NCOA6: variants seen among roughly 807,000 people sequenced by gnomAD.
NCOA6 encodes nuclear receptor coactivator 6.
NCOA6 carries 49 observed loss-of-function variants against 171.4 expected under a neutral mutation model. That is an observed-to-expected ratio of 0.29 (90% CI 0.23 to 0.36). The LOEUF (loss-of-function observed/expected upper bound fraction) is 0.36. Ranked by LOEUF, NCOA6 falls within the 10% of genes least tolerant of loss-of-function variation. The pLI, the probability that NCOA6 is intolerant of heterozygous loss-of-function variation, is 1.00. For missense variants in NCOA6, 2,248 were observed against 2,554.5 expected, an observed-to-expected ratio of 0.88 and a Z score of 2.59; for synonymous variants, 910 against 927.5, an observed-to-expected ratio of 0.98 and a Z score of 0.34.
At chr20:34,774,572 T>G (rs1052671814) in intron 4 of NCOA6, among the ~76,000 whole-genome samples, 17 of 152,222 alleles carry the variant, frequency 1.1e-4, no homozygotes, top group African/African-American at 3.6e-4. Context: ...CAAAATGACC[T>G]CGACTGCTCA....
At chr20:34,775,535 A>G (rs1456678222) in intron 4 of NCOA6, among the ~76,000 whole-genome samples, 1 of 151,904 alleles carries the variant, frequency 6.6e-6, no homozygotes, top group Non-Finnish European at 1.5e-5. Context: ...AAATACAAAA[A>G]TTAGCTGGGC....
intron 13 of NCOA6, among the ~76,000 whole-genome samples, chr20:34,729,189 G>T (rs1363195602): frequency 2.0e-5 from 3 of 152,182 alleles, no homozygotes; most frequent in South Asian, 2.1e-4. Flanking sequence ...GACCTCAAAT[G>T]ATCCACCTGC....
intron 1 of NCOA6, 135 bp from the exon 2 acceptor site, chr20:34,792,698 G>C (rs1244083910): frequency 5.3e-6 from 2 of 375,700 alleles, no homozygotes; most frequent in Non-Finnish European, 9.4e-6. Context: ...AATATCACAA[G>C]TTATCAAGTC....
intron 2 of NCOA6, among the ~76,000 whole-genome samples, chr20:34,783,414 C>CT (rs1016062965): frequency 2.6e-5 from 4 of 152,264 alleles, no homozygotes; most frequent in Admixed American, 2.6e-4. Context: ...AGGTATGCTG[C>CT]TTACCAAAGA....
chr20:34,755,175 C>A (rs1301373600), intron 7 of NCOA6, among the ~76,000 whole-genome samples: 1 of 152,174 alleles, frequency 6.6e-6, no homozygotes, highest in Non-Finnish European at 1.5e-5. Context: ...GGTTTGAGGG[C>A]TCACTTTTCT....
intron 12 of NCOA6, among the ~76,000 whole-genome samples, chr20:34,733,862 AAAAAAAAAAAAAAAAAGGAAGGG>A (rs1216571137): frequency 1.3e-5 from 2 of 150,306 alleles, no homozygotes; most frequent in African/African-American, 2.5e-5. Context: ...AAAAAAAAAA[AAAAAAAAAAAAAAAAAGGAAGGG>A]AATCTTTGCT....
chr20:34,778,443 T>C (rs2077408725), intron 3 of NCOA6, among the ~76,000 whole-genome samples: 1 of 150,774 alleles, frequency 6.6e-6, no homozygotes, highest in Non-Finnish European at 1.5e-5. Context: ...TTTTTTTTTT[T>C]TTTGAGACGG....
chr20:34,805,458 G>A (rs1412199808), intron 1 of NCOA6, among the ~76,000 whole-genome samples: 2 of 152,100 alleles, frequency 1.3e-5, no homozygotes, highest in East Asian at 1.9e-4. Flanking sequence ...CCTCCAGGCT[G>A]ATGCATGTTG....
At chr20:34,773,387 T>C (rs896881817) in intron 4 of NCOA6, among the ~76,000 whole-genome samples, 1 of 152,228 alleles carries the variant, frequency 6.6e-6, no homozygotes. Flanking sequence ...GAACGGACTG[T>C]TGGGAGAACC....
chr20:34,735,354 T>C (rs1457433119), intron 12 of NCOA6, among the ~76,000 whole-genome samples: 1 of 152,068 alleles, frequency 6.6e-6, no homozygotes, highest in Non-Finnish European at 1.5e-5. Context: ...AGAAAGAATC[T>C]GGGTGGCTGG....
chr20:34,801,796 T>G lies in NCOA6; in HGVS notation c.-163-9233A>C, dbSNP rs531194544. Among the ~76,000 whole-genome samples, 14 of 151,770 alleles carry G rather than the reference T, an allele frequency of 9.2e-5. No individual in the cohort carries two copies. The South Asian group carries it at 2.9e-3, about 32-fold the overall frequency. On this transcript the variant is annotated intron_variant, in intron 1 of 14. Coordinates refer to ENST00000359003, the MANE Select transcript of NCOA6 (RefSeq NM_014071.5). The stretch of plus-strand genomic sequence containing the variant: ...AGGAGAATCACTTGAACCCAGGAGG[T>G]GGAGGTTGCAATGAGCCGAGATTGC...
intron 2 of NCOA6, among the ~76,000 whole-genome samples, chr20:34,782,961 T>C (rs1770988377): frequency 6.6e-6 from 1 of 152,182 alleles, no homozygotes; most frequent in South Asian, 2.1e-4. Context: ...CTGAAAATAA[T>C]GATTCTGAAA....
rs956367887 is a variant in NCOA6 at position 34,732,925 on chromosome 20, C to T, written c.5963-330G>A. 6 of 187,388 alleles carry T rather than the reference C, an allele frequency of 3.2e-5. No homozygotes were observed. The South Asian group carries it at 7.5e-4, about 24-fold the overall frequency. The allele number at this position is 187,388 out of a possible 1,614,324, so 11.6% of individuals were successfully genotyped here. A position where few individuals can be genotyped will look rare whatever the true frequency, so the allele number is the denominator to read the frequency against. On this transcript the variant is annotated intron_variant, in intron 12 of 14. Transcript: ENST00000359003. ...TCTCTTCCTCTCATGTGGAAGAGACCGTTTTCATTTTAAAACATCTCCATC... is the reference window on the plus strand; with the variant it reads ...TCTCTTCCTCTCATGTGGAAGAGACTGTTTTCATTTTAAAACATCTCCATC...
rs1028555637 is a variant in NCOA6 at position 34,721,273 on chromosome 20, C to T, written c.6149-5908G>A. Among the ~76,000 whole-genome samples, 67 of 138,664 alleles carry T rather than the reference C, an allele frequency of 4.8e-4. 1 individual carries two copies. Among genetic ancestry groups the T allele is most frequent in the African/African-American group, 1.8e-3 (63 of 34,298 alleles). 91.0% of individuals were successfully genotyped at this position (138,664 alleles called of 152,430 possible). A position where few individuals can be genotyped will look rare whatever the true frequency, so the allele number is the denominator to read the frequency against. On this transcript the variant is annotated intron_variant, in intron 14 of 14. Coordinates refer to ENST00000359003, the MANE Select transcript of NCOA6 (RefSeq NM_014071.5). ...AAAAAAAAAAAAAAAAAAAACAACCCGCAAAACCCACAAAAGGACTGAATT... is the reference window on the plus strand; with the variant it reads ...AAAAAAAAAAAAAAAAAAAACAACCTGCAAAACCCACAAAAGGACTGAATT...
chr20:34,736,868 G>A, intron 11 of NCOA6, 110 bp from the exon 12 acceptor site: 3 of 903,658 alleles, frequency 3.3e-6, no homozygotes, highest in East Asian at 2.8e-5. Flanking sequence ...TACTCTTAGA[G>A]GGCAGTACTC....
At chr20:34,797,278 A>T (rs2078108325) in intron 1 of NCOA6, among the ~76,000 whole-genome samples, 1 of 152,142 alleles carries the variant, frequency 6.6e-6, no homozygotes, top group Admixed American at 6.6e-5. Context: ...TGCAACTTGG[A>T]TACCAGCTCA....
At position 34,757,413 on chromosome 20, in the gene NCOA6, C is replaced by A. The variant is rs143013675; in HGVS notation, c.1335G>T (p.Thr445=). ...CCATCTGCTGCTGAGTTTGGTTAAC[C>A]GTTGGGGAGGATGCAGGGGATCCCT... ...FQQGSPASSP[T]VNQTQQQMGP... is the part of the protein sequence containing the mutation. Residue 445 remains threonine (T), a synonymous_variant, in exon 7 of 15, where the codon ACG becomes ACT. Transcript: ENST00000359003. 6.2e-7 allele frequency: 1 copy of A among 1,613,676 alleles called. No homozygotes were observed. The highest frequency in any genetic ancestry group is 8.5e-7 in the Non-Finnish European group (1 of 1,179,760).
chr20:34,817,248 G>A (rs1476910486), intron 1 of NCOA6, among the ~76,000 whole-genome samples: 1 of 151,074 alleles, frequency 6.6e-6, no homozygotes, highest in Non-Finnish European at 1.5e-5. Flanking sequence ...TGTTGCCTTT[G>A]TGTGTGTGAC....
intron 4 of NCOA6, among the ~76,000 whole-genome samples, chr20:34,770,164 C>G (rs2077104473): frequency 6.6e-6 from 1 of 151,988 alleles, no homozygotes; most frequent in African/African-American, 2.4e-5. Context: ...CTCAGCCTCC[C>G]GAGTAGCTGG....
Sources: allele counts gnomAD v4.1 joint callset (sites outside exome capture counted in the v4.1 genomes callset), GRCh38; gene constraint gnomAD v4.1.1; transcripts MANE v1.5; gene names NCBI Gene and HGNC (gene_info 2026-07-23, HGNC 2026-07-21).